SYCP2: variants seen among roughly 807,000 people sequenced by gnomAD.
SYCP2 encodes synaptonemal complex lateral element protein.
In SYCP2, 55 loss-of-function variants were observed where a neutral mutation model predicts 211.3. The observed-to-expected ratio is 0.26, with a 90% CI of 0.21 to 0.33. The LOEUF is 0.33. Among genes scored for constraint, SYCP2 ranks in the 10% least tolerant of loss-of-function variants. The pLI is 1.00. For synonymous variants in SYCP2, 570 were observed against 555.2 expected (o/e 1.03, Z -0.37); for missense variants, 1,731 against 1,752.0 (o/e 0.99, Z 0.21).
In SYCP2 at chr20:59,900,768, T is replaced by A. The variant is rs968985028; in HGVS notation, c.1233A>T (p.Ile411=). ...CCTGTGATCCACTTGCGTCAAAAAG[T>A]ATATGCAGCGACGTTTTGGCAACTG... The part of the protein sequence containing the change: ...GISVAKTSLH[I]LFDASGSQIL... The change falls in exon 17 of 45, where the codon ATA becomes ATT. Residue 411 remains isoleucine, a synonymous_variant. Coordinates refer to ENST00000357552, the MANE Select transcript of SYCP2 (RefSeq NM_014258.4). 2 of 1,612,828 alleles carry A rather than the reference T, an allele frequency of 1.2e-6. No homozygotes were observed. The highest frequency in any genetic ancestry group is 2.7e-5 in the African/African-American group (2 of 74,852).
At chr20:59,894,040 A>G (rs968656452) in intron 20 of SYCP2, among the ~76,000 whole-genome samples, 5 of 151,990 alleles carry the variant, frequency 3.3e-5, no homozygotes, top group Non-Finnish European at 7.4e-5. Context: ...TAAGTTTTTT[A>G]TTTATAACAA....
At chr20:59,876,409 AAAG>A (rs1568916271) in intron 33 of SYCP2, among the ~76,000 whole-genome samples, 34 of 142,448 alleles carry the variant, frequency 2.4e-4, no homozygotes, top group East Asian at 4.0e-4. Flanking sequence ...AAAAAAAAAA[AAAG>A]AAGAAGTGAT....
chr20:59,914,358 T>A, intron 10 of SYCP2, 107 bp from the exon 11 acceptor site: 1 of 541,398 alleles, frequency 1.8e-6, no homozygotes, highest in Non-Finnish European at 3.0e-6. Flanking sequence ...TAAGAATATA[T>A]TAATGTAATT....
At chr20:59,869,690 G>A in intron 36 of SYCP2, 108 bp downstream of exon 36, 1 of 595,412 alleles carries the variant, frequency 1.7e-6, no homozygotes, top group Non-Finnish European at 2.8e-6. Context: ...GGTAATAACA[G>A]TTGAAAAGCA....
At chr20:59,878,133 T>C (rs550734496) in intron 31 of SYCP2, 88 bp from the exon 32 acceptor site, 7 of 937,770 alleles carry the variant, frequency 7.5e-6, no homozygotes, top group Middle Eastern at 3.0e-4. Context: ...CATATTTAAA[T>C]TAAAATAATA....
intron 31 of SYCP2, among the ~76,000 whole-genome samples, chr20:59,879,437 C>T (rs1293059619): frequency 1.3e-5 from 2 of 151,690 alleles, no homozygotes; most frequent in African/African-American, 4.8e-5. Context: ...TATTTTTAAT[C>T]CTGAAATAAA....
intron 2 of SYCP2, among the ~76,000 whole-genome samples, chr20:59,930,711 TTG>T (rs1758794399): frequency 6.6e-6 from 1 of 151,372 alleles, no homozygotes; most frequent in African/African-American, 2.5e-5. Flanking sequence ...AATAAATGTA[TTG>T]TTATAATATT....
chr20:59,867,366 A>C (rs893944465), intron 39 of SYCP2, among the ~76,000 whole-genome samples: 1 of 151,646 alleles, frequency 6.6e-6, no homozygotes, highest in Non-Finnish European at 1.5e-5. Context: ...GCAGCTGCTC[A>C]TTCTTTATAC....
In SYCP2 at chr20:59,873,955, G is replaced by A. The variant is rs141596387; in HGVS notation, c.3456C>T (p.Asn1152=). ...ACTTTATTGTACCTCCAACTCCACTGTTACTATTTAAGGATTCAAGTGATG... is the reference window on the plus strand; with the variant it reads ...ACTTTATTGTACCTCCAACTCCACTATTACTATTTAAGGATTCAAGTGATG... ...KTSSLESLNS[N]SGVGGTIKSP... The change falls in exon 35 of 45, where the codon AAC becomes AAT. Residue 1152 remains asparagine, a synonymous_variant. Coordinates refer to ENST00000357552, the MANE Select transcript of SYCP2 (RefSeq NM_014258.4). 1,181 of 1,613,158 alleles carry A rather than the reference G, an allele frequency of 7.3e-4. 1 individual carries two copies. Among genetic ancestry groups the A allele is most frequent in the Non-Finnish European group, 9.3e-4 (1,096 of 1,179,470 alleles).
intron 2 of SYCP2, among the ~76,000 whole-genome samples, chr20:59,924,648 T>C (rs904475932): frequency 3.3e-5 from 5 of 152,006 alleles, no homozygotes; most frequent in Non-Finnish European, 7.4e-5. Context: ...GGTTAATCAT[T>C]TTTAAAACTA....
In SYCP2 at chr20:59,932,066, C is replaced by G. The variant is rs1051150380; in HGVS notation, c.-51G>C. On this transcript the variant is annotated 5_prime_UTR_variant, in exon 2 of 45. Coordinates refer to ENST00000357552, the MANE Select transcript of SYCP2 (RefSeq NM_014258.4). Reference sequence around the variant, plus strand: ...TCAAGAGAAGCGTGGATTTACCTGACAAGTAAGCAGGCTCTGGGCTCCAGT... The same window carrying G: ...TCAAGAGAAGCGTGGATTTACCTGAGAAGTAAGCAGGCTCTGGGCTCCAGT... The G allele has an allele frequency of 6.6e-6, 1 of 152,008 alleles. No homozygotes were observed. The highest frequency in any genetic ancestry group is 1.5e-5 in the Non-Finnish European group (1 of 68,020). The allele number at this position is 152,008 out of a possible 1,614,324, so 9.4% of individuals were successfully genotyped here. A position where few individuals can be genotyped will look rare whatever the true frequency, so the allele number is the denominator to read the frequency against.
intron 24 of SYCP2, 56 bp downstream of exon 24, chr20:59,891,929 CTTATG>C (rs1568939414): frequency 4.3e-6 from 6 of 1,387,608 alleles, no homozygotes; most frequent in Non-Finnish European, 2.9e-6. Flanking sequence ...TTCTTTCTTT[CTTATG>C]TTATCAAGTA....
intron 24 of SYCP2, among the ~76,000 whole-genome samples, chr20:59,890,126 A>G (rs550711236): frequency 1.3e-5 from 2 of 152,292 alleles, no homozygotes; most frequent in East Asian, 3.9e-4. Context: ...ACTATTCACA[A>G]TAGCAAAGAC....
At chr20:59,866,688 C>T in intron 39 of SYCP2, 99 bp from the exon 40 acceptor site, 1 of 777,924 alleles carries the variant, frequency 1.3e-6, no homozygotes, top group Non-Finnish European at 2.0e-6. Context: ...ATGTAAATTA[C>T]TAAGAAGAAC....
At chr20:59,882,816 A>AAT (rs1568927059) in intron 26 of SYCP2, among the ~76,000 whole-genome samples, 2 of 152,054 alleles carry the variant, frequency 1.3e-5, no homozygotes, top group South Asian at 2.1e-4. Flanking sequence ...GGGATTAAAA[A>AAT]ATATATATAT....
chr20:59,916,867 C>T (rs914493968), intron 7 of SYCP2, among the ~76,000 whole-genome samples: 4 of 151,990 alleles, frequency 2.6e-5, no homozygotes, highest in East Asian at 1.9e-4. Context: ...TGCAGTGAGC[C>T]GTGATCGTGC....
chr20:59,898,445 A>G (rs2060052868), intron 18 of SYCP2, among the ~76,000 whole-genome samples: 1 of 152,206 alleles, frequency 6.6e-6, no homozygotes. Context: ...GGAAACCATC[A>G]TTCTCAGCAA....
intron 15 of SYCP2, among the ~76,000 whole-genome samples, chr20:59,903,266 CTTTGT>C (rs2060150901): frequency 6.6e-6 from 1 of 151,938 alleles, no homozygotes; most frequent in Admixed American, 6.6e-5. Context: ...TACAAGAAAA[CTTTGT>C]TTTGTTGCTT....
At position 59,878,022 on chromosome 20, in the gene SYCP2, G is replaced by T; in HGVS notation, c.2965C>A (p.Pro989Thr). 1 of 1,606,126 alleles carries T rather than the reference G, an allele frequency of 6.2e-7. No homozygotes were observed. The highest frequency in any genetic ancestry group is 8.5e-7 in the Non-Finnish European group (1 of 1,175,762). Residue 989 changes from proline to threonine, a missense_variant, in exon 32 of 45, where the codon CCA becomes ACA. Pro to Thr is a conservative substitution (Grantham distance 38, BLOSUM62 -1). Transcript: ENST00000357552. ...KSRSSLEKGQ[P>T]SSKMTPSKNI... ...TCTTGGCTTACCATTTTAGAGCTTG[G>T]CTGTCCCTTTTCCAAGGATGATCCT...
Sources: allele counts gnomAD v4.1 joint callset (sites outside exome capture counted in the v4.1 genomes callset), GRCh38; gene constraint gnomAD v4.1.1; transcripts MANE v1.5; gene names NCBI Gene and HGNC (gene_info 2026-07-23, HGNC 2026-07-21).